The following VGLL4 variants were observed in gnomAD, a reference collection of about 807,000 sequenced individuals.
The protein encoded by VGLL4 is transcription cofactor vestigial-like protein 4.
A neutral mutation model predicts 21.0 loss-of-function variants in VGLL4; 7 were observed. The observed-to-expected ratio is 0.33, with a 90% CI of 0.19 to 0.63. The LOEUF (loss-of-function observed/expected upper bound fraction) is 0.63. Among genes scored for constraint, VGLL4 ranks in the 20% least tolerant of loss-of-function variants. The pLI, the probability that VGLL4 is intolerant of heterozygous loss-of-function variation, is 0.78. For missense variants in VGLL4, 394 were observed against 425.7 expected (o/e 0.93, Z 0.66); for synonymous variants, 222 against 173.2 (o/e 1.28, Z -2.21).
chr3:11,559,229 T>C (rs371860284), intron 4 of VGLL4, 103 bp downstream of exon 4: 59 of 1,434,378 alleles, frequency 4.1e-5, no homozygotes, highest in East Asian at 2.8e-4. Flanking sequence ...ACCTCAGCAA[T>C]AGATGGGCTC....
intron 2 of VGLL4, among the ~76,000 whole-genome samples, chr3:11,590,704 G>A (rs919553140): frequency 6.6e-6 from 1 of 150,728 alleles, no homozygotes; most frequent in Non-Finnish European, 1.5e-5. Context: ...GTGTGTGTGT[G>A]TGTGTGTTTT....
chr3:11,598,148 T>C (rs1399327778), intron 2 of VGLL4, among the ~76,000 whole-genome samples: 4 of 152,076 alleles, frequency 2.6e-5, no homozygotes, highest in African/African-American at 4.8e-5. Context: ...CACAGCCTCC[T>C]GAGTAGCTGG....
At chr3:11,619,046 C>T (rs2075216197) in intron 1 of VGLL4, among the ~76,000 whole-genome samples, 1 of 152,196 alleles carries the variant, frequency 6.6e-6, no homozygotes, top group African/African-American at 2.4e-5. Flanking sequence ...CGTTTCTGGG[C>T]CTACTTCAGA....
At chr3:11,659,157 A>C (rs1031206343) in intron 2 of VGLL4, among the ~76,000 whole-genome samples, 5 of 152,160 alleles carry the variant, frequency 3.3e-5, no homozygotes, top group Admixed American at 3.3e-4. Flanking sequence ...ATCTCACTCC[A>C]CTGGCCCAGA....
At chr3:11,618,724 T>C (rs927718455) in intron 1 of VGLL4, among the ~76,000 whole-genome samples, 6 of 152,178 alleles carry the variant, frequency 3.9e-5, no homozygotes, top group East Asian at 1.9e-4. Flanking sequence ...TGAAAACAAA[T>C]ATTCCATTAG....
intron 1 of VGLL4, among the ~76,000 whole-genome samples, chr3:11,620,420 G>A (rs2075243775): frequency 6.6e-6 from 1 of 152,162 alleles, no homozygotes; most frequent in South Asian, 2.1e-4. Flanking sequence ...GCAGGGTGAG[G>A]GCAAGGGTGA....
chr3:11,665,548 A>G (rs1248725937), intron 2 of VGLL4, among the ~76,000 whole-genome samples: 1 of 152,240 alleles, frequency 6.6e-6, no homozygotes, highest in Non-Finnish European at 1.5e-5. Flanking sequence ...GGAGTGGCAG[A>G]AAGAGCCTGC....
intron 2 of VGLL4, among the ~76,000 whole-genome samples, chr3:11,685,914 C>G (rs1290911487): frequency 6.6e-6 from 1 of 152,138 alleles, no homozygotes; most frequent in Non-Finnish European, 1.5e-5. Flanking sequence ...ATCAGCTATA[C>G]AAATAGCCAA....
intron 2 of VGLL4, among the ~76,000 whole-genome samples, chr3:11,671,721 C>CT (rs5846717): frequency 0.18 from 27,531 of 149,196 alleles, 2,585 homozygotes; most frequent in Admixed American, 0.26. Flanking sequence ...TAAAAATTCA[C>CT]TTTTTTTTTT....
intron 2 of VGLL4, among the ~76,000 whole-genome samples, chr3:11,684,434 G>A (rs1172047592): frequency 3.3e-5 from 5 of 151,886 alleles, no homozygotes; most frequent in African/African-American, 7.3e-5. Flanking sequence ...AGGCTGGAAT[G>A]CAATGGCATG....
intron 1 of VGLL4, among the ~76,000 whole-genome samples, chr3:11,715,132 C>T (rs2076902912): frequency 7.1e-6 from 1 of 141,156 alleles, no homozygotes; most frequent in African/African-American, 2.6e-5. Context: ...GAGACTCCGT[C>T]TCAAAAAAAA....
intron 2 of VGLL4, chr3:11,671,259 T>C: frequency 6.4e-7 from 1 of 1,564,674 alleles, no homozygotes; most frequent in Non-Finnish European, 8.6e-7. Context: ...AGAACATTTT[T>C]ACCATGGTGC....
At chr3:11,654,077 G>A (rs1001336558) in intron 2 of VGLL4, among the ~76,000 whole-genome samples, 5 of 151,170 alleles carry the variant, frequency 3.3e-5, no homozygotes, top group Non-Finnish European at 4.4e-5. Context: ...CAATGCATAG[G>A]ACACCCCCCA....
At chr3:11,562,291 C>A (rs1176892902) in intron 3 of VGLL4, among the ~76,000 whole-genome samples, 1 of 152,156 alleles carries the variant, frequency 6.6e-6, no homozygotes, top group East Asian at 1.9e-4. Context: ...GCTGCTATCA[C>A]AAACATGAAA....
In VGLL4 at chr3:11,621,292, C is replaced by T. The variant is rs183443683; in HGVS notation, c.83-19270G>A. On this transcript the variant is annotated intron_variant, in intron 1 of 4. Coordinates refer to ENST00000430365, the MANE Select transcript of VGLL4 (RefSeq NM_001128219.3). ...CTAATTTTAGGACATTTCTTCACCC[C>T]GAAAAGAAACCCATACCCATTAGCA... 1.7e-3 allele frequency among the ~76,000 whole-genome samples: 261 copies of T among 152,220 alleles called. 1 individual carries two copies. The highest frequency in any genetic ancestry group is 2.9e-3 in the Non-Finnish European group (197 of 68,020).
chr3:11,657,202 G>A (rs899365580), intron 2 of VGLL4, among the ~76,000 whole-genome samples: 5 of 151,998 alleles, frequency 3.3e-5, no homozygotes, highest in African/African-American at 4.8e-5. Flanking sequence ...TTGTCTGCCC[G>A]AGCCCTAAAA....
chr3:11,709,247 C>T (rs137896958), intron 1 of VGLL4, among the ~76,000 whole-genome samples: 27 of 151,390 alleles, frequency 1.8e-4, no homozygotes, highest in Non-Finnish European at 3.5e-4. Context: ...ACGAGCCTGG[C>T]CAACATAGAG....
chr3:11,619,520 A>T (rs2075224952), intron 1 of VGLL4, among the ~76,000 whole-genome samples: 1 of 152,146 alleles, frequency 6.6e-6, no homozygotes. Flanking sequence ...AATGAAGCTT[A>T]ATTTTGAGAG....
chr3:11,679,480 C>T (rs543646656), intron 2 of VGLL4, among the ~76,000 whole-genome samples: 3 of 152,116 alleles, frequency 2.0e-5, no homozygotes, highest in East Asian at 1.9e-4. Flanking sequence ...GTCAGGAGAT[C>T]GAGACGAGCC....
Sources: allele counts gnomAD v4.1 joint callset (sites outside exome capture counted in the v4.1 genomes callset), GRCh38; gene constraint gnomAD v4.1.1; transcripts MANE v1.5; gene names NCBI Gene and HGNC (gene_info 2026-07-23, HGNC 2026-07-21).